RGS17: variants seen among roughly 807,000 people sequenced by gnomAD.
The protein encoded by RGS17 is regulator of G protein signaling 17, also known as regulator of G-protein signaling 17.
RGS17 carries 12 observed loss-of-function variants against 25.5 expected under a neutral mutation model. That is an observed-to-expected ratio of 0.47 (90% confidence interval 0.30 to 0.76). The LOEUF is 0.76. RGS17 is among the 30% of genes least tolerant of loss of function. The probability of loss-of-function intolerance (pLI) is 0.07; values close to 1 mark genes in which losing one functional copy is unlikely to be tolerated. For synonymous variants in RGS17, 71 were observed against 76.9 expected (o/e 0.92, Z 0.40); for missense variants, 196 against 242.2 (o/e 0.81, Z 1.27).
chr6:153,112,835 C>T (rs1777493123), intron 1 of RGS17, among the ~76,000 whole-genome samples: 1 of 152,016 alleles, frequency 6.6e-6, no homozygotes, highest in Non-Finnish European at 1.5e-5. Flanking sequence ...GCTTCATAAG[C>T]AAAGGAGAAT....
chr6:153,043,888 A>G lies in RGS17; in HGVS notation c.119+12T>C. 3.2e-6 allele frequency: 5 copies of G among 1,573,696 alleles called. No homozygotes were observed. The highest frequency in any genetic ancestry group is 4.4e-6 in the Non-Finnish European group (5 of 1,147,750). On this transcript the variant is annotated intron_variant, in intron 2 of 4. Transcript: ENST00000206262. ...AGCCTGGGTGTGGCATCCTACAGGT[A>G]ACATGACATACCAGGAGCAGCTGCA...
At chr6:153,011,828 G>T (rs1015413714) in intron 4 of RGS17, 66 bp from the exon 5 acceptor site, 1 of 1,175,948 alleles carries the variant, frequency 8.5e-7, no homozygotes, top group Non-Finnish European at 1.2e-6. Flanking sequence ...TTAAGTAACT[G>T]TAGGTTTGTG....
intron 1 of RGS17, among the ~76,000 whole-genome samples, chr6:153,105,110 G>T (rs1777360305): frequency 6.6e-6 from 1 of 151,602 alleles, no homozygotes; most frequent in African/African-American, 2.4e-5. Flanking sequence ...CCAATGTAAG[G>T]ACTTTGGGAT....
intron 1 of RGS17, among the ~76,000 whole-genome samples, chr6:153,114,598 T>C (rs2129125920): frequency 6.6e-6 from 1 of 152,204 alleles, no homozygotes; most frequent in East Asian, 1.9e-4. Flanking sequence ...GGCATCATCC[T>C]GATACCAAAA....
rs1342227484 is a variant in RGS17 at position 153,053,985 on chromosome 6, G to A, written c.-25-9942C>T. Among the ~76,000 whole-genome samples, 21 of 26,234 alleles carry A rather than the reference G, an allele frequency of 8.0e-4. 3 individuals are homozygous for A. Among genetic ancestry groups the A allele is most frequent in the Non-Finnish European group, 1.4e-3 (21 of 15,416 alleles). 17.2% of individuals were successfully genotyped at this position (26,234 alleles called of 152,430 possible). ...ATTATATACATATATATGTATATAT[G>A]TATATAATATATATACATATATACG... On this transcript the variant is annotated intron_variant, in intron 1 of 4. Coordinates refer to ENST00000206262, the MANE Select transcript of RGS17 (RefSeq NM_012419.5).
intron 1 of RGS17, among the ~76,000 whole-genome samples, chr6:153,090,449 G>GAA (rs1215269696): frequency 8.4e-5 from 7 of 83,256 alleles, no homozygotes; most frequent in African/African-American, 3.0e-4. Flanking sequence ...CATCTCTACT[G>GAA]AAAAAAAAAA....
Position 153,129,849 on chromosome 6 carries a change from A to G in RGS17, c.-26+1275T>C, listed in dbSNP as rs1420476161. ...GGTCAGGAGAGTTATGCCAGGAGCCAGGGTCAATCGTCCCCGGGCGACAGG... is the reference window on the plus strand; with the variant it reads ...GGTCAGGAGAGTTATGCCAGGAGCCGGGGTCAATCGTCCCCGGGCGACAGG... On this transcript the variant is annotated intron_variant, in intron 1 of 4. Transcript: ENST00000206262. Among the ~76,000 whole-genome samples, 4 of 152,230 alleles carry G rather than the reference A, an allele frequency of 2.6e-5. No homozygotes were observed. The East Asian group carries it at 7.7e-4, about 29-fold the overall frequency.
intron 4 of RGS17, among the ~76,000 whole-genome samples, chr6:153,020,438 C>T (rs1332702959): frequency 3.3e-5 from 5 of 151,734 alleles, no homozygotes; most frequent in Admixed American, 2.6e-4. Flanking sequence ...CAGGTGTGAG[C>T]CACCGCGCCC....
intron 1 of RGS17, among the ~76,000 whole-genome samples, chr6:153,094,027 G>A (rs1777170572): frequency 6.6e-6 from 1 of 151,988 alleles, no homozygotes; most frequent in African/African-American, 2.4e-5. Flanking sequence ...ATCATCAATG[G>A]AGGAGGCTTT....
chr6:153,126,987 T>C (rs1463250299), intron 1 of RGS17, among the ~76,000 whole-genome samples: 1 of 152,202 alleles, frequency 6.6e-6, no homozygotes, highest in African/African-American at 2.4e-5. Context: ...ACCGGTTTCA[T>C]GGAAGACAAT....
Position 153,004,689 on chromosome 6 carries a change from T to C in RGS17, c.*6885A>G, listed in dbSNP as rs1202777164. 6.6e-6 allele frequency: 1 copy of C among 152,082 alleles called. No individual in the cohort carries two copies. Among genetic ancestry groups the C allele is most frequent in the African/African-American group, 2.4e-5 (1 of 41,424 alleles). 9.4% of individuals were successfully genotyped at this position (152,082 alleles called of 1,614,324 possible). On this transcript the variant is annotated 3_prime_UTR_variant, in exon 5 of 5. Coordinates refer to ENST00000206262, the MANE Select transcript of RGS17 (RefSeq NM_012419.5). ...AAAATTCTAGCATTTTCCAGAAGTA[T>C]ATTATTGTACATAGGTAAAATGATA...
intron 1 of RGS17, among the ~76,000 whole-genome samples, chr6:153,067,621 T>A (rs969884972): frequency 3.3e-5 from 5 of 152,042 alleles, no homozygotes; most frequent in African/African-American, 1.2e-4. Flanking sequence ...AAGATCTTTA[T>A]AAGGAAAATC....
intron 1 of RGS17, among the ~76,000 whole-genome samples, chr6:153,099,365 G>A (rs939371135): frequency 7.9e-5 from 12 of 152,228 alleles, no homozygotes; most frequent in Admixed American, 1.3e-4. Context: ...AGACTTAGTG[G>A]AGAATATTTG....
chr6:153,042,284 C>T (rs942100174), intron 2 of RGS17, among the ~76,000 whole-genome samples: 1 of 152,160 alleles, frequency 6.6e-6, no homozygotes, highest in African/African-American at 2.4e-5. Flanking sequence ...TTGGCCGTGT[C>T]CCCACCCAAA....
chr6:153,044,794 CCTAT>C (rs1380165415), intron 1 of RGS17, among the ~76,000 whole-genome samples: 1 of 152,276 alleles, frequency 6.6e-6, no homozygotes, highest in African/African-American at 2.4e-5. Context: ...TACAGAATGT[CCTAT>C]CTGTGATCTT....
At chr6:153,072,786 T>C (rs1013071884) in intron 1 of RGS17, among the ~76,000 whole-genome samples, 3 of 152,218 alleles carry the variant, frequency 2.0e-5, no homozygotes, top group Non-Finnish European at 4.4e-5. Context: ...TACTTTTCTG[T>C]AATAACTTGG....
Position 153,118,281 on chromosome 6 carries a change from A to G in RGS17, c.-26+12843T>C, listed in dbSNP as rs780011821. On this transcript the variant is annotated intron_variant, in intron 1 of 4. Coordinates refer to ENST00000206262, the MANE Select transcript of RGS17 (RefSeq NM_012419.5). ...TATTACTGCCTTATTGGCTTTTACC[A>G]ACCTCATCTTAATATTGCACACTTG... is the stretch of plus-strand genomic sequence containing the variant. Among the ~76,000 whole-genome samples the G allele has an allele frequency of 7.2e-5, 11 of 152,252 alleles. No individual in the cohort carries two copies. The Middle Eastern group carries it at 0.01, about 141-fold the overall frequency.
chr6:153,054,117 T>TATATAC lies in RGS17; in HGVS notation c.-25-10075_-25-10074insGTATAT, dbSNP rs1562321757. ...TTATATATATATATATATATATGTGTATATATATATATATACAGCTTTATA... is the reference window on the plus strand; with the variant it reads ...TTATATATATATATATATATATGTGTATATACATATATATATATATACAGCTTTATA... On this transcript the variant is annotated intron_variant, in intron 1 of 4. Transcript: ENST00000206262. 3.9e-4 allele frequency among the ~76,000 whole-genome samples: 29 copies of TATATAC among 74,186 alleles called. 2 individuals carry two copies. Among genetic ancestry groups the TATATAC allele is most frequent in the African/African-American group, 1.7e-3 (27 of 16,302 alleles). The allele number at this position is 74,186 out of a possible 152,430, so 48.7% of individuals were successfully genotyped here. A position where few individuals can be genotyped will look rare whatever the true frequency, so the allele number is the denominator to read the frequency against.
intron 1 of RGS17, among the ~76,000 whole-genome samples, chr6:153,070,927 C>T (rs973518328): frequency 1.3e-5 from 2 of 149,818 alleles, no homozygotes; most frequent in Non-Finnish European, 1.5e-5. Context: ...ACATGTGTAT[C>T]TGTACATGCA....
Sources: gnomAD v4.1 joint callset for allele counts (sites outside exome capture counted in the v4.1 genomes callset) on GRCh38, gnomAD v4.1.1 for gene constraint, MANE v1.5 for transcripts, NCBI Gene and HGNC (gene_info 2026-07-23, HGNC 2026-07-21) for gene names.